The following GAB2 variants were observed in gnomAD, a reference collection of about 807,000 sequenced individuals.
GAB2 encodes the protein GRB2-associated-binding protein 2.
GAB2 carries 26 observed loss-of-function variants against 65.5 expected under a neutral mutation model. That is an observed-to-expected ratio of 0.40 (90% CI 0.29 to 0.55). The LOEUF is 0.55. Among genes scored for constraint, GAB2 ranks in the 20% least tolerant of loss-of-function variants. GAB2 has a pLI of 0.53. For missense variants in GAB2, 884 were observed against 875.8 expected (o/e 1.01, Z -0.12); for synonymous variants, 321 against 329.6 (o/e 0.97, Z 0.28).
chr11:78,261,171 C>T lies in GAB2; in HGVS notation c.377-10771G>A, dbSNP rs535823969. Among the ~76,000 whole-genome samples, 5 of 152,216 alleles carry T rather than the reference C, an allele frequency of 3.3e-5. No individual in the cohort carries two copies. In the South Asian group the frequency reaches 1.0e-3, roughly 32 times the overall value. ...TGTGGCAGATGCCTGCAGTCCCAGA[C>T]TGGGGGGCTGGGGAGCTGAGGTGGG... is the stretch of plus-strand genomic sequence containing the variant. On this transcript the variant is annotated intron_variant, in intron 2 of 9. Coordinates refer to ENST00000361507, the MANE Select transcript of GAB2 (RefSeq NM_080491.3).
At chr11:78,235,398 C>G (rs1334156900) in intron 3 of GAB2, among the ~76,000 whole-genome samples, 1 of 152,104 alleles carries the variant, frequency 6.6e-6, no homozygotes, top group Non-Finnish European at 1.5e-5. Flanking sequence ...GAGATCCGCC[C>G]ACCTCAGCCT....
chr11:78,329,133 G>A (rs962196551), intron 1 of GAB2, among the ~76,000 whole-genome samples: 1 of 152,170 alleles, frequency 6.6e-6, no homozygotes, highest in African/African-American at 2.4e-5. Flanking sequence ...CTAGATGGTT[G>A]ATAAATAGGT....
At position 78,215,508 on chromosome 11, in the gene GAB2, G is replaced by GT. The variant is rs1864078039; in HGVS notation, c.*3763_*3764insA. 6.6e-6 allele frequency: 1 copy of GT among 152,630 alleles called. No individual in the cohort carries two copies. Among genetic ancestry groups the GT allele is most frequent in the African/African-American group, 2.4e-5 (1 of 41,450 alleles). The allele number at this position is 152,630 out of a possible 1,614,324, so 9.5% of individuals were successfully genotyped here. A position where few individuals can be genotyped will look rare whatever the true frequency, so the allele number is the denominator to read the frequency against. ...ACTTAAGTGATTAGGCACCAACAGT[G>GT]ATTTGAAAATTAAATGTCAATTTTA... On this transcript the variant is annotated 3_prime_UTR_variant, in exon 10 of 10. Transcript: ENST00000361507.
At chr11:78,417,574 G>T in intron 1 of GAB2, 72 bp downstream of exon 1, 1 of 636,556 alleles carries the variant, frequency 1.6e-6, no homozygotes. Context: ...CCGCCCCTCC[G>T]GGAGTCCCCC....
intron 1 of GAB2, among the ~76,000 whole-genome samples, chr11:78,289,320 G>T (rs896256847): frequency 6.6e-6 from 1 of 152,178 alleles, no homozygotes; most frequent in African/African-American, 2.4e-5. Context: ...GGGGAGTAAA[G>T]ACCTTAATCT....
intron 1 of GAB2, among the ~76,000 whole-genome samples, chr11:78,349,301 A>T (rs1257806306): frequency 1.3e-5 from 2 of 152,206 alleles, no homozygotes; most frequent in East Asian, 3.8e-4. Flanking sequence ...GCTGTATAGA[A>T]GTTGGTGAGA....
intron 1 of GAB2, among the ~76,000 whole-genome samples, chr11:78,312,955 T>C (rs559951258): frequency 6.6e-6 from 1 of 151,956 alleles, no homozygotes; most frequent in Non-Finnish European, 1.5e-5. Flanking sequence ...CTAAAAAATA[T>C]GTGTTTGTGT....
At chr11:78,417,450 G>GCCCGC (rs1857213671) in intron 1 of GAB2, among the ~76,000 whole-genome samples, 196 bp downstream of exon 1, 1 of 151,466 alleles carries the variant, frequency 6.6e-6, no homozygotes, top group African/African-American at 2.4e-5. Flanking sequence ...TCAACCTGCC[G>GCCCGC]CCCGCCCCGC....
chr11:78,380,814 G>A (rs192015521), intron 1 of GAB2, among the ~76,000 whole-genome samples: 4 of 130,458 alleles, frequency 3.1e-5, no homozygotes, highest in East Asian at 2.4e-4. Flanking sequence ...ACCAAATGGC[G>A]CCAGAGATAA....
chr11:78,254,152 A>G (rs1865532757), intron 2 of GAB2, among the ~76,000 whole-genome samples: 1 of 152,194 alleles, frequency 6.6e-6, no homozygotes, highest in Non-Finnish European at 1.5e-5. Flanking sequence ...AACATAGGGC[A>G]GCTATAAGGA....
At chr11:78,347,406 A>T (rs1199097465) in intron 1 of GAB2, among the ~76,000 whole-genome samples, 1 of 152,200 alleles carries the variant, frequency 6.6e-6, no homozygotes, top group Non-Finnish European at 1.5e-5. Flanking sequence ...CAACATAATA[A>T]GGTAGAAAGA....
intron 3 of GAB2, among the ~76,000 whole-genome samples, chr11:78,248,853 C>T (rs1022280647): frequency 3.9e-5 from 6 of 152,182 alleles, no homozygotes; most frequent in Admixed American, 2.6e-4. Flanking sequence ...CTGCCTATCT[C>T]TGGTTAGTGA....
intron 1 of GAB2, among the ~76,000 whole-genome samples, chr11:78,319,966 C>T (rs144646299): frequency 0.012 from 1,871 of 151,114 alleles, 24 homozygotes; most frequent in Middle Eastern, 0.017. Flanking sequence ...ACCTCTGCCT[C>T]CTGGGTTCAA....
intron 1 of GAB2, among the ~76,000 whole-genome samples, chr11:78,414,424 T>C (rs918668519): frequency 1.8e-4 from 27 of 152,286 alleles, no homozygotes; most frequent in African/African-American, 5.5e-4. Flanking sequence ...CACTAGGGGG[T>C]AGTCTGCCAA....
intron 1 of GAB2, among the ~76,000 whole-genome samples, chr11:78,408,901 T>C (rs1426661213): frequency 2.6e-5 from 4 of 152,214 alleles, no homozygotes; most frequent in East Asian, 1.9e-4. Context: ...ATGCTTCCTG[T>C]ACAGCTTGTG....
At chr11:78,230,626 C>T (rs989078010) in intron 3 of GAB2, among the ~76,000 whole-genome samples, 2 of 152,244 alleles carry the variant, frequency 1.3e-5, no homozygotes, top group African/African-American at 2.4e-5. Context: ...TATCCTGTAC[C>T]CTGGCATAGT....
chr11:78,282,549 T>G (rs1866364882), intron 1 of GAB2, among the ~76,000 whole-genome samples: 1 of 152,090 alleles, frequency 6.6e-6, no homozygotes, highest in African/African-American at 2.4e-5. Flanking sequence ...CCTCAGGTGA[T>G]CCACCTGCCT....
At chr11:78,293,484 C>A (rs1255430706) in intron 1 of GAB2, among the ~76,000 whole-genome samples, 1 of 152,172 alleles carries the variant, frequency 6.6e-6, no homozygotes, top group Admixed American at 6.5e-5. Flanking sequence ...GTTAATTTAA[C>A]ACAATCTCTA....
At chr11:78,373,238 CT>C (rs535640025) in intron 1 of GAB2, among the ~76,000 whole-genome samples, 4,104 of 136,072 alleles carry the variant, frequency 0.03, 98 homozygotes, top group African/African-American at 0.099. Context: ...ATTATAATGA[CT>C]TTTTTTTTTT....
Sources: gnomAD v4.1 joint callset for allele counts (sites outside exome capture counted in the v4.1 genomes callset) on GRCh38, gnomAD v4.1.1 for gene constraint, MANE v1.5 for transcripts, NCBI Gene and HGNC (gene_info 2026-07-23, HGNC 2026-07-21) for gene names.